The following SLC18A2 variants were observed in gnomAD, a reference collection of about 807,000 sequenced individuals.
The protein encoded by SLC18A2 is solute carrier family 18 member A2.
A neutral mutation model predicts 59.2 loss-of-function variants in SLC18A2; 33 were observed. The observed-to-expected ratio is 0.56, with a 90% CI of 0.42 to 0.75. The LOEUF (loss-of-function observed/expected upper bound fraction) is 0.75. Ranked by LOEUF, SLC18A2 falls within the 30% of genes least tolerant of loss-of-function variation. The pLI is 0.00. For synonymous variants in SLC18A2, 228 were observed against 253.5 expected, an observed-to-expected ratio of 0.90 and a Z score of 0.95; for missense variants, 569 against 668.6, an observed-to-expected ratio of 0.85 and a Z score of 1.64.
intron 3 of SLC18A2, among the ~76,000 whole-genome samples, 190 bp downstream of exon 3, chr10:117,244,503 C>A (rs1015021657): frequency 6.6e-6 from 1 of 152,224 alleles, no homozygotes; most frequent in Non-Finnish European, 1.5e-5. Context: ...TCTATTCTCC[C>A]TTCTGTTGCT....
rs1844529874 is a variant in SLC18A2, at chr10:117,278,374, A to G, written c.*1108A>G. 1 of 152,268 alleles carries G rather than the reference A, an allele frequency of 6.6e-6. No homozygotes were observed. The highest frequency in any genetic ancestry group is 2.4e-5 in the African/African-American group (1 of 41,474). 9.4% of individuals were successfully genotyped at this position (152,268 alleles called of 1,614,324 possible). On this transcript the variant is annotated 3_prime_UTR_variant, in exon 16 of 16. Transcript: ENST00000644641. ...ATATTAAGAAGTAAAAATAATAGTGATCAGGCAGAAAAGAAAAATGGAACA... is the reference window on the plus strand; with the variant it reads ...ATATTAAGAAGTAAAAATAATAGTGGTCAGGCAGAAAAGAAAAATGGAACA...
chr10:117,255,707 C>T (rs1048820534), intron 9 of SLC18A2, 50 bp downstream of exon 9: 21 of 1,558,682 alleles, frequency 1.3e-5, no homozygotes, highest in African/African-American at 2.7e-5. Context: ...GTGATGGCCG[C>T]GTGCTGGAGG....
intron 10 of SLC18A2, among the ~76,000 whole-genome samples, chr10:117,265,385 T>G (rs562025991): frequency 6.1e-4 from 93 of 152,256 alleles, no homozygotes; most frequent in African/African-American, 2.2e-3. Context: ...CCATGCATTT[T>G]GAGTGTAGCA....
intron 3 of SLC18A2, 109 bp downstream of exon 3, chr10:117,244,422 G>C (rs1844089568): frequency 9.5e-7 from 1 of 1,053,414 alleles, no homozygotes; most frequent in African/African-American, 1.6e-5. Flanking sequence ...GAAAATCCAT[G>C]GTGGGTGAGC....
intron 9 of SLC18A2, 152 bp downstream of exon 9, chr10:117,255,809 A>G: frequency 1.5e-6 from 1 of 679,024 alleles, no homozygotes; most frequent in Non-Finnish European, 2.5e-6. Flanking sequence ...CTACAAGTCA[A>G]AGGAAATGGT....
rs1453535201 is a variant in SLC18A2 at position 117,277,820 on chromosome 10, A to T, written c.*554A>T. 1 of 152,202 alleles carries T rather than the reference A, an allele frequency of 6.6e-6. No individual in the cohort carries two copies. The highest frequency in any genetic ancestry group is 1.5e-5 in the Non-Finnish European group (1 of 68,036). The allele number at this position is 152,202 out of a possible 1,614,324, so 9.4% of individuals were successfully genotyped here. ...AGTTCTCTCAAGTGTAGAGGACAAG[A>T]ACTTGTGTCAGTTATCTTTTGAATC... On this transcript the variant is annotated 3_prime_UTR_variant, in exon 16 of 16. Transcript: ENST00000644641.
At chr10:117,271,212 T>G (rs1844421708) in intron 15 of SLC18A2, among the ~76,000 whole-genome samples, 2 of 152,234 alleles carry the variant, frequency 1.3e-5, no homozygotes, top group African/African-American at 4.8e-5. Context: ...TGATAGGTAC[T>G]TGTCCAGGTG....
At chr10:117,241,969 C>A in intron 2 of SLC18A2, 155 bp downstream of exon 2, 1 of 726,632 alleles carries the variant, frequency 1.4e-6, no homozygotes, top group Non-Finnish European at 2.1e-6. Context: ...CAGGCTGCCG[C>A]GCCGGGGCTA....
intron 15 of SLC18A2, among the ~76,000 whole-genome samples, chr10:117,273,373 G>A (rs1589986987): frequency 6.6e-6 from 1 of 152,100 alleles, no homozygotes; most frequent in South Asian, 2.1e-4. Context: ...GCTGTGTTGC[G>A]GATTTTTTTT....
intron 10 of SLC18A2, among the ~76,000 whole-genome samples, chr10:117,263,427 G>A (rs113152621): frequency 4.6e-4 from 70 of 152,202 alleles, no homozygotes; most frequent in African/African-American, 1.6e-3. Flanking sequence ...GATATTTGAA[G>A]TCAGGGCAAA....
chr10:117,276,384 G>A (rs1033347994), intron 15 of SLC18A2, among the ~76,000 whole-genome samples: 2 of 152,054 alleles, frequency 1.3e-5, no homozygotes, highest in Admixed American at 6.6e-5. Flanking sequence ...GGCTGAGGAG[G>A]GGGGATCACT....
rs1172104194 is a variant in SLC18A2, at chr10:117,269,571, T to G, written c.1187-500T>G. ...AGTGAGTGTGGTCAAGCCTCGCCTCTCTGAGTATTGGTTTCCTCATCTATA... is the reference window on the plus strand; with the variant it reads ...AGTGAGTGTGGTCAAGCCTCGCCTCGCTGAGTATTGGTTTCCTCATCTATA... On this transcript the variant is annotated intron_variant, in intron 13 of 15. Coordinates refer to ENST00000644641, the MANE Select transcript of SLC18A2 (RefSeq NM_003054.6). The surrounding 1 kb of genome is among the most constrained non-coding windows in gnomAD (Gnocchi z 5.1). Among the ~76,000 whole-genome samples the G allele has an allele frequency of 6.6e-6, 1 of 152,202 alleles. No homozygotes were observed. The highest frequency in any genetic ancestry group is 2.4e-5 in the African/African-American group (1 of 41,444).
Position 117,277,331 on chromosome 10 carries a change from T to A in SLC18A2, c.*65T>A. On this transcript the variant is annotated 3_prime_UTR_variant, in exon 16 of 16. Coordinates refer to ENST00000644641, the MANE Select transcript of SLC18A2 (RefSeq NM_003054.6). ...AAAACAGTGTTTCCAGTGACACAAC[T>A]CATCCAGAACTGTCTTAGTCATACC... 1 of 1,001,008 alleles carries A rather than the reference T, an allele frequency of 1.0e-6. No individual in the cohort carries two copies. Among genetic ancestry groups the A allele is most frequent in the Non-Finnish European group, 1.5e-6 (1 of 652,784 alleles). The allele number at this position is 1,001,008 out of a possible 1,614,324, so 62.0% of individuals were successfully genotyped here.
rs1192764148 is a variant in SLC18A2 at position 117,269,772 on chromosome 10, G to A, written c.1187-299G>A. 6.6e-6 allele frequency among the ~76,000 whole-genome samples: 1 copy of A among 152,196 alleles called. No homozygotes were observed. The highest frequency in any genetic ancestry group is 1.9e-4 in the East Asian group (1 of 5,200). Reference sequence around the variant, plus strand: ...ATATGTACAAGTGCTGGGGATATGGGTGAACAAAACCAACAGAAGAGTTGG... The same window carrying A: ...ATATGTACAAGTGCTGGGGATATGGATGAACAAAACCAACAGAAGAGTTGG... On this transcript the variant is annotated intron_variant, in intron 13 of 15. Transcript: ENST00000644641. This position sits in a 1 kb window ranked among gnomAD's most constrained non-coding sequence, Gnocchi z 5.1.
intron 3 of SLC18A2, among the ~76,000 whole-genome samples, chr10:117,252,623 G>T (rs1157593025): frequency 6.6e-6 from 1 of 152,172 alleles, no homozygotes; most frequent in Non-Finnish European, 1.5e-5. Context: ...AATGAGGGAG[G>T]AGATGACATT....
In SLC18A2 at chr10:117,255,481, A is replaced by G. The variant is rs878943149; in HGVS notation, c.793A>G (p.Ile265Val). The change falls in exon 8 of 16, where the codon ATT becomes GTT. Residue 265 changes from isoleucine to valine, a missense_variant and splice_region_variant. Ile to Val is a conservative substitution (Grantham distance 29). Transcript: ENST00000644641. Reference protein sequence around the residue: ...LAALVLLDGAIQLFVLQPSRV... With the variant: ...LAALVLLDGAVQLFVLQPSRV... Reference sequence around the variant, plus strand: ...TCTTTTTTATTTTTATTTTTTAGCTATTCAGCTCTTTGTGCTCCAGCCGTC... The same window carrying G: ...TCTTTTTTATTTTTATTTTTTAGCTGTTCAGCTCTTTGTGCTCCAGCCGTC... 6 of 1,613,964 alleles carry G rather than the reference A, an allele frequency of 3.7e-6. No individual in the cohort carries two copies. The highest frequency in any genetic ancestry group is 2.2e-5 in the South Asian group (2 of 91,080).
chr10:117,268,840 G>A (rs941655456), intron 13 of SLC18A2, among the ~76,000 whole-genome samples: 4 of 150,568 alleles, frequency 2.7e-5, no homozygotes, highest in Admixed American at 2.0e-4. Context: ...GTGTGTGTGT[G>A]TGTATGCATG....
At position 117,269,520 on chromosome 10, in the gene SLC18A2, A is replaced by G. The variant is rs1844399606; in HGVS notation, c.1187-551A>G. On this transcript the variant is annotated intron_variant, in intron 13 of 15. Coordinates refer to ENST00000644641, the MANE Select transcript of SLC18A2 (RefSeq NM_003054.6). The surrounding 1 kb of genome is among the most constrained non-coding windows in gnomAD (Gnocchi z 5.1). ...TAGCATAAAGATGGTGTGTGTTCAG[A>G]GTTCCTGGCTCAGACTCCCTGGCTC... Among the ~76,000 whole-genome samples the G allele has an allele frequency of 6.6e-6, 1 of 152,202 alleles. No homozygotes were observed. The highest frequency in any genetic ancestry group is 2.4e-5 in the African/African-American group (1 of 41,448).
intron 10 of SLC18A2, among the ~76,000 whole-genome samples, chr10:117,264,238 G>T (rs563188947): frequency 1.3e-5 from 2 of 152,308 alleles, no homozygotes; most frequent in African/African-American, 2.4e-5. Flanking sequence ...AGAAGGGAGG[G>T]TTCCTGCCAT....
Sources: allele counts gnomAD v4.1 joint callset (sites outside exome capture counted in the v4.1 genomes callset), GRCh38; gene constraint gnomAD v4.1.1; non-coding constraint Gnocchi (gnomAD v3.1); transcripts MANE v1.5; gene names NCBI Gene and HGNC (gene_info 2026-07-23, HGNC 2026-07-21).